GINS1: variants seen among roughly 807,000 people sequenced by gnomAD.
GINS1 encodes the protein DNA replication complex GINS protein PSF1.
GINS1 carries 26 observed loss-of-function variants against 34.9 expected under a neutral mutation model. The ratio of observed to expected loss-of-function variants is 0.74; its 90% CI spans 0.55 to 1.03. The LOEUF is 1.03. GINS1 is among the 50% of genes least tolerant of loss of function. The pLI is 0.00. For missense variants in GINS1, 235 were observed against 237.9 expected, an observed-to-expected ratio of 0.99 and a Z score of 0.08; for synonymous variants, 97 against 84.4, an observed-to-expected ratio of 1.15 and a Z score of -0.82.
In GINS1 at chr20:25,407,677, G is replaced by C. The variant is rs2090253700; in HGVS notation, c.-144G>C. On this transcript the variant is annotated 5_prime_UTR_variant, in exon 1 of 7. Transcript: ENST00000262460. ...GCGTTCCTATTGGCTAGCTTTGTTCGGCGCCAAAGCGCGGAGCGGAGGCCG... is the reference window on the plus strand; with the variant it reads ...GCGTTCCTATTGGCTAGCTTTGTTCCGCGCCAAAGCGCGGAGCGGAGGCCG... The C allele has an allele frequency of 5.9e-6, 4 of 682,914 alleles. No homozygotes were observed. The highest frequency in any genetic ancestry group is 5.5e-5 in the South Asian group (3 of 54,826). 42.3% of individuals were successfully genotyped at this position (682,914 alleles called of 1,614,324 possible).
In GINS1 at chr20:25,418,112, C is replaced by A; in HGVS notation, c.247C>A (p.Arg83Ser). The change falls in exon 4 of 7, where the codon CGC (arginine) becomes AGC (serine). Residue 83 changes from arginine (R) to serine (S), a missense_variant. Transcript: ENST00000262460. ...ACCTTCTTGATGTCCTAGGTATGAC[C>A]GCTTGCTTCGGATCAGAGCACTCAG... Reference protein sequence around the residue: ...RRCTVAYLYDRLLRIRALRWE... With the variant: ...RRCTVAYLYDSLLRIRALRWE... The A allele has an allele frequency of 1.3e-6, 2 of 1,585,942 alleles. No individual in the cohort carries two copies. The highest frequency in any genetic ancestry group is 1.7e-6 in the Non-Finnish European group (2 of 1,154,068).
chr20:25,447,427 T>A lies in GINS1; in HGVS notation c.*1436T>A, dbSNP rs1248394660. The stretch of plus-strand genomic sequence containing the variant: ...GAATATAGATATCCAGCTGTTTCAC[T>A]ACCATTTTTTGAAAGGACTGCCCTT... On this transcript the variant is annotated 3_prime_UTR_variant, in exon 7 of 7. Coordinates refer to ENST00000262460, the MANE Select transcript of GINS1 (RefSeq NM_021067.5). 1 of 152,260 alleles carries A rather than the reference T, an allele frequency of 6.6e-6. No homozygotes were observed. Among genetic ancestry groups the A allele is most frequent in the Non-Finnish European group, 1.5e-5 (1 of 68,046 alleles). The allele number at this position is 152,260 out of a possible 1,614,324, so 9.4% of individuals were successfully genotyped here. A position where few individuals can be genotyped will look rare whatever the true frequency, so the allele number is the denominator to read the frequency against.
chr20:25,433,754 C>T (rs2090439488), intron 5 of GINS1, among the ~76,000 whole-genome samples: 1 of 152,068 alleles, frequency 6.6e-6, no homozygotes, highest in Admixed American at 6.6e-5. Flanking sequence ...AGTAACATAC[C>T]AAAATTCTGA....
At chr20:25,440,675 G>A (rs2090476983) in intron 5 of GINS1, among the ~76,000 whole-genome samples, 1 of 151,930 alleles carries the variant, frequency 6.6e-6, no homozygotes, top group South Asian at 2.1e-4. Flanking sequence ...GTTGGGTATG[G>A]TGGTGAGCGC....
chr20:25,419,039 A>G (rs1242264723), intron 4 of GINS1, among the ~76,000 whole-genome samples: 1 of 152,234 alleles, frequency 6.6e-6, no homozygotes, highest in African/African-American at 2.4e-5. Flanking sequence ...ATAAATAACA[A>G]GACACTCCTA....
At chr20:25,418,406 A>G (rs2090334673) in intron 4 of GINS1, among the ~76,000 whole-genome samples, 1 of 152,226 alleles carries the variant, frequency 6.6e-6, no homozygotes, top group Non-Finnish European at 1.5e-5. Flanking sequence ...ACTTAACAAA[A>G]TAGAGTCCCA....
At chr20:25,430,586 A>G (rs2090421517) in intron 5 of GINS1, among the ~76,000 whole-genome samples, 1 of 152,134 alleles carries the variant, frequency 6.6e-6, no homozygotes, top group Admixed American at 6.5e-5. Context: ...GCTGGAGTGC[A>G]ATGGCACGAT....
intron 2 of GINS1, among the ~76,000 whole-genome samples, chr20:25,414,241 G>C (rs1453117164): frequency 6.9e-6 from 1 of 145,294 alleles, no homozygotes; most frequent in African/African-American, 2.5e-5. Flanking sequence ...CCTTGCATTA[G>C]TTTTGGGATG....
chr20:25,443,192 A>G (rs971686013), intron 6 of GINS1: 1 of 152,202 alleles, frequency 6.6e-6, no homozygotes, highest in Non-Finnish European at 1.5e-5. Flanking sequence ...AAATTATTTT[A>G]CTAATACCCT....
chr20:25,411,977 GCA>G (rs2090288502), intron 1 of GINS1, among the ~76,000 whole-genome samples: 1 of 151,770 alleles, frequency 6.6e-6, no homozygotes, highest in Non-Finnish European at 1.5e-5. Flanking sequence ...CATTGCTGGT[GCA>G]CACCTGTAGT....
intron 5 of GINS1, among the ~76,000 whole-genome samples, chr20:25,437,068 C>G (rs146958423): frequency 1.3e-5 from 2 of 152,250 alleles, no homozygotes; most frequent in African/African-American, 4.8e-5. Flanking sequence ...TGAACCTGTG[C>G]CTTTCCTTGG....
At chr20:25,421,812 T>A (rs1376327259) in intron 4 of GINS1, among the ~76,000 whole-genome samples, 1 of 152,186 alleles carries the variant, frequency 6.6e-6, no homozygotes, top group African/African-American at 2.4e-5. Flanking sequence ...AAACAGCTTC[T>A]GATTTTTCTT....
At chr20:25,428,967 C>CTTTTTTTTTT (rs1241187859) in intron 5 of GINS1, among the ~76,000 whole-genome samples, 2 of 114,162 alleles carry the variant, frequency 1.8e-5, no homozygotes, top group Non-Finnish European at 1.8e-5. Flanking sequence ...TCATTCCTCT[C>CTTTTTTTTTT]TCTTTTTTTT....
intron 4 of GINS1, among the ~76,000 whole-genome samples, chr20:25,420,412 G>T (rs2090347932): frequency 1.3e-5 from 2 of 152,154 alleles, no homozygotes; most frequent in Admixed American, 1.3e-4. Context: ...GATTACAAGT[G>T]TGAGCCACAG....
At chr20:25,425,811 GTTTAT>G (rs2090387591) in intron 5 of GINS1, among the ~76,000 whole-genome samples, 1 of 151,966 alleles carries the variant, frequency 6.6e-6, no homozygotes, top group Non-Finnish European at 1.5e-5. Context: ...GTTTCATTTT[GTTTAT>G]TTTTTCTATT....
chr20:25,423,176 A>G (rs1406898804), intron 4 of GINS1, among the ~76,000 whole-genome samples: 3 of 144,908 alleles, frequency 2.1e-5, no homozygotes, highest in African/African-American at 7.7e-5. Context: ...GTGCAGTGGC[A>G]TAGCTCGGCT....
At chr20:25,417,268 A>C in intron 3 of GINS1, 66 bp downstream of exon 3, 3 of 770,284 alleles carry the variant, frequency 3.9e-6, no homozygotes, top group Non-Finnish European at 2.3e-6. Flanking sequence ...TGACCATCTC[A>C]AATGGGTAAC....
At chr20:25,421,001 G>A in intron 4 of GINS1, 1 of 975,482 alleles carries the variant, frequency 1.0e-6, no homozygotes, top group Non-Finnish European at 1.2e-6. Flanking sequence ...ATCCCTGACA[G>A]CTTATAGGAG....
intron 5 of GINS1, among the ~76,000 whole-genome samples, chr20:25,436,528 ATT>A (rs1355814448): frequency 6.6e-6 from 1 of 151,482 alleles, no homozygotes; most frequent in Admixed American, 6.6e-5. Context: ...AGACTTAGTC[ATT>A]TCTGTTATCC....
Sources: gnomAD v4.1 joint callset for allele counts (sites outside exome capture counted in the v4.1 genomes callset) on GRCh38, gnomAD v4.1.1 for gene constraint, MANE v1.5 for transcripts, NCBI Gene and HGNC (gene_info 2026-07-23, HGNC 2026-07-21) for gene names.